Variants in UGP2 observed in about 807,000 individuals in gnomAD.
UGP2 encodes the protein UTP--glucose-1-phosphate uridylyltransferase.
In UGP2, 40 loss-of-function variants were observed where a neutral mutation model predicts 49.0. The observed-to-expected ratio is 0.82, with a 90% CI of 0.63 to 1.06. The LOEUF is 1.06. Ranked by LOEUF, UGP2 falls within the 50% of genes least tolerant of loss-of-function variation. UGP2 has a pLI of 0.00. For missense variants in UGP2, 460 were observed against 603.5 expected, an observed-to-expected ratio of 0.76 and a Z score of 2.49; for synonymous variants, 225 against 213.0, an observed-to-expected ratio of 1.06 and a Z score of -0.49.
rs373002115 is a variant in UGP2, at chr2:63,858,233, C to A, written c.255+297C>A. Among the ~76,000 whole-genome samples the A allele has an allele frequency of 3.3e-5, 5 of 152,286 alleles. No homozygotes were observed. In the South Asian group the frequency reaches 8.3e-4, roughly 25 times the overall value. ...AGCACTAAATATCCCATAAGAGCTT[C>A]GTTTACTTTGTTTCTTCCTTCTCTC... On this transcript the variant is annotated intron_variant, in intron 3 of 9. Coordinates refer to ENST00000337130, the MANE Select transcript of UGP2 (RefSeq NM_006759.4).
At chr2:63,848,730 T>C (rs913478647) in intron 1 of UGP2, among the ~76,000 whole-genome samples, 1 of 152,254 alleles carries the variant, frequency 6.6e-6, no homozygotes, top group African/African-American at 2.4e-5. Context: ...TCTTTGAAAG[T>C]TGGCTTTATG....
At chr2:63,881,498 A>G (rs895538508) in intron 3 of UGP2, among the ~76,000 whole-genome samples, 2 of 152,240 alleles carry the variant, frequency 1.3e-5, no homozygotes, top group Non-Finnish European at 1.5e-5. Flanking sequence ...TGAAGAGTCA[A>G]TTTGAGGACC....
At chr2:63,887,708 T>A (rs1214200526) in intron 8 of UGP2, 64 bp downstream of exon 8, 3 of 1,576,552 alleles carry the variant, frequency 1.9e-6, no homozygotes, top group South Asian at 1.2e-5. Context: ...AGATATGATA[T>A]ACATGTGAAT....
chr2:63,868,553 G>GCAA (rs1407841898), intron 3 of UGP2, among the ~76,000 whole-genome samples: 2 of 152,140 alleles, frequency 1.3e-5, no homozygotes, highest in South Asian at 4.1e-4. Flanking sequence ...ACCGTGTAAT[G>GCAA]AATATAAAAC....
At chr2:63,856,856 T>A (rs1669472946) in intron 2 of UGP2, 1 of 455,874 alleles carries the variant, frequency 2.2e-6, no homozygotes, top group South Asian at 1.6e-5. Flanking sequence ...CTGGGAGGCA[T>A]TTACTTTTTT....
In UGP2 at chr2:63,887,586, G is replaced by GTTTT; in HGVS notation, c.1257_1258insTTTT (p.Glu420PhefsTer2). On this transcript the variant is annotated frameshift_variant, in exon 8 of 10. Coordinates refer to ENST00000337130, the MANE Select transcript of UGP2 (RefSeq NM_006759.4). LOFTEE classifies it high-confidence loss of function. ...CTTAATGCAGGATCTCTGACAATGA[G>GTTTT]TGAAAAGCGGGAATTTCCTACAGTG... 1 of 1,614,158 alleles carries GTTTT rather than the reference G, an allele frequency of 6.2e-7. No individual in the cohort carries two copies. The highest frequency in any genetic ancestry group is 2.2e-5 in the East Asian group (1 of 44,878).
At chr2:63,868,020 A>G (rs1670292867) in intron 3 of UGP2, among the ~76,000 whole-genome samples, 2 of 152,238 alleles carry the variant, frequency 1.3e-5, no homozygotes, top group Non-Finnish European at 2.9e-5. Context: ...AAGGATATCT[A>G]GATTCACATA....
At chr2:63,847,560 G>C (rs1162343440) in intron 1 of UGP2, among the ~76,000 whole-genome samples, 2 of 152,194 alleles carry the variant, frequency 1.3e-5, no homozygotes, top group Admixed American at 1.3e-4. Flanking sequence ...TCCGAAAAGA[G>C]AGTCAGTGAA....
intron 3 of UGP2, among the ~76,000 whole-genome samples, chr2:63,865,504 G>A (rs78722710): frequency 4.6e-4 from 67 of 146,954 alleles, no homozygotes; most frequent in African/African-American, 1.7e-3. Context: ...AATAACTGGT[G>A]TTCTCCATTC....
chr2:63,851,206 C>A (rs1201691796), intron 1 of UGP2, among the ~76,000 whole-genome samples: 2 of 152,100 alleles, frequency 1.3e-5, no homozygotes, highest in Admixed American at 1.3e-4. Flanking sequence ...GAATTTAAGT[C>A]CTGATCTACA....
At chr2:63,872,785 G>T in intron 3 of UGP2, among the ~76,000 whole-genome samples, 1 of 146,994 alleles carries the variant, frequency 6.8e-6, no homozygotes, top group Non-Finnish European at 1.5e-5. Flanking sequence ...GCATGCCAGT[G>T]CCCTCAAAAA....
In UGP2 at chr2:63,886,418, G is replaced by A. The variant is rs1382134780; in HGVS notation, c.951G>A (p.Glu317=). 6.2e-7 allele frequency: 1 copy of A among 1,614,064 alleles called. No homozygotes were observed. The highest frequency in any genetic ancestry group is 8.5e-7 in the Non-Finnish European group (1 of 1,180,032). The change falls in exon 7 of 10, where the codon GAG becomes GAA. Residue 317 remains glutamate, a synonymous_variant. Coordinates refer to ENST00000337130, the MANE Select transcript of UGP2 (RefSeq NM_006759.4). The part of the protein sequence containing the change: ...IAQVPKAHVD[E]FKSVSKFKIF... ...AAGTGCCAAAAGCACATGTAGACGA[G>A]TTCAAGTCTGTATCAAAGTTCAAAA...
chr2:63,874,134 T>C (rs1452606263), intron 3 of UGP2, among the ~76,000 whole-genome samples: 2 of 152,210 alleles, frequency 1.3e-5, no homozygotes, highest in East Asian at 1.9e-4. Flanking sequence ...TTATTCTGGA[T>C]GGCAGTGTGC....
chr2:63,878,030 G>A (rs796775190), intron 3 of UGP2, among the ~76,000 whole-genome samples: 2,916 of 96,508 alleles, frequency 0.03, 38 homozygotes, highest in African/African-American at 0.046. Flanking sequence ...AAAAAAAAAA[G>A]AAGTCTGCAT....
chr2:63,873,534 G>A (rs1002532927), intron 3 of UGP2, among the ~76,000 whole-genome samples: 7 of 151,888 alleles, frequency 4.6e-5, no homozygotes, highest in South Asian at 4.2e-4. Context: ...TTTTATCTTC[G>A]CAAGTACCCG....
chr2:63,890,272 A>G (rs969439506), intron 9 of UGP2, 87 bp downstream of exon 9: 1 of 990,240 alleles, frequency 1.0e-6, no homozygotes, highest in African/African-American at 1.7e-5. Flanking sequence ...TACTTTAAGG[A>G]ATACTTGTTA....
chr2:63,857,935 C>T lies in UGP2; in HGVS notation c.254C>T (p.Ser85Leu), dbSNP rs781014998. The change falls in exon 3 of 10, where the codon TCG becomes TTG. Residue 85 changes from serine (S) to leucine (L), a missense_variant and splice_region_variant. Transcript: ENST00000337130. ...WGKIQRPPED[S>L]IQPYEKIKAR... ...AAAATCCAGAGACCCCCTGAAGATT[C>T]GGTAAGTTTTAGATAAAATGTAGGA... 9.9e-6 allele frequency: 16 copies of T among 1,612,722 alleles called. No homozygotes were observed. Among genetic ancestry groups the T allele is most frequent in the Middle Eastern group, 1.6e-4 (1 of 6,080 alleles).
At chr2:63,882,703 T>A (rs751607532) in intron 4 of UGP2, 52 bp downstream of exon 4, 49 of 1,431,900 alleles carry the variant, frequency 3.4e-5, no homozygotes, top group Admixed American at 6.9e-5. Context: ...TTTTAGTTTT[T>A]AAGTTATCAT....
chr2:63,848,234 A>G (rs759012514), intron 1 of UGP2, among the ~76,000 whole-genome samples: 4 of 152,132 alleles, frequency 2.6e-5, no homozygotes, highest in Non-Finnish European at 4.4e-5. Flanking sequence ...ATAGCCTACA[A>G]TTTCTTTTCT....
Sources: gnomAD v4.1 joint callset for allele counts (sites outside exome capture counted in the v4.1 genomes callset) on GRCh38, gnomAD v4.1.1 for gene constraint, MANE v1.5 for transcripts, NCBI Gene and HGNC (gene_info 2026-07-23, HGNC 2026-07-21) for gene names.